The following CCSER1 variants were observed in gnomAD, a reference collection of about 807,000 sequenced individuals.
The protein encoded by CCSER1 is coiled-coil serine rich protein 1, also known as serine-rich coiled-coil domain-containing protein 1.
Under a neutral mutation model 82.0 loss-of-function variants are expected in CCSER1, and 41 were observed. That is an observed-to-expected ratio of 0.50 (90% confidence interval 0.39 to 0.65). CCSER1 has a LOEUF of 0.65. Among genes scored for constraint, CCSER1 ranks in the 30% least tolerant of loss-of-function variants. The pLI, the probability that CCSER1 is intolerant of heterozygous loss-of-function variation, is 0.00. For synonymous variants in CCSER1, 414 were observed against 383.9 expected, an observed-to-expected ratio of 1.08 and a Z score of -0.92; for missense variants, 1,119 against 1,064.2, an observed-to-expected ratio of 1.05 and a Z score of -0.72.
At chr4:90,877,928 T>C (rs944873090) in intron 8 of CCSER1, among the ~76,000 whole-genome samples, 1 of 152,104 alleles carries the variant, frequency 6.6e-6, no homozygotes, top group African/African-American at 2.4e-5. Context: ...TCAGTTACTA[T>C]CCAAATTATA....
intron 5 of CCSER1, among the ~76,000 whole-genome samples, chr4:90,507,587 T>G (rs1770891897): frequency 1.3e-5 from 2 of 152,064 alleles, no homozygotes; most frequent in Non-Finnish European, 2.9e-5. Flanking sequence ...TTCATACATT[T>G]TATAGTCTAT....
chr4:91,598,497 A>C (rs916444983), intron 10 of CCSER1, 75 bp from the exon 11 acceptor site: 2 of 1,391,140 alleles, frequency 1.4e-6, no homozygotes, highest in East Asian at 2.5e-5. Context: ...AAATGTATAA[A>C]TATCACTCTG....
chr4:91,588,364 T>TA (rs1191539463), intron 10 of CCSER1, among the ~76,000 whole-genome samples: 1 of 151,662 alleles, frequency 6.6e-6, no homozygotes, highest in African/African-American at 2.4e-5. Flanking sequence ...TTGCTATTAT[T>TA]AAATAAGCCT....
chr4:91,209,100 C>T (rs867374116), intron 10 of CCSER1, among the ~76,000 whole-genome samples: 3 of 151,700 alleles, frequency 2.0e-5, no homozygotes, highest in Non-Finnish European at 3.0e-5. Flanking sequence ...TATCAGCTCA[C>T]GGATCTTTTT....
chr4:90,208,999 G>A (rs569809823), intron 1 of CCSER1, among the ~76,000 whole-genome samples: 1 of 152,036 alleles, frequency 6.6e-6, no homozygotes, highest in South Asian at 2.1e-4. Flanking sequence ...TTTTTCTTAT[G>A]TATTGTTTTT....
intron 4 of CCSER1, among the ~76,000 whole-genome samples, chr4:90,408,469 G>T (rs147996905): frequency 0.023 from 3,537 of 152,278 alleles, 145 homozygotes; most frequent in African/African-American, 0.081. Flanking sequence ...AGCATTTGCG[G>T]TTCACCAATA....
intron 9 of CCSER1, among the ~76,000 whole-genome samples, chr4:91,026,454 T>G (rs1014464581): frequency 2.0e-5 from 3 of 152,112 alleles, no homozygotes; most frequent in African/African-American, 7.2e-5. Context: ...TTTCTAAGTG[T>G]CAGTGAATTT....
intron 7 of CCSER1, among the ~76,000 whole-genome samples, chr4:90,763,440 T>C (rs1034971502): frequency 1.8e-4 from 27 of 152,186 alleles, no homozygotes; most frequent in African/African-American, 6.3e-4. Flanking sequence ...GTTCTTTCAA[T>C]TGAATTTTAA....
At chr4:91,289,946 AC>A (rs1240325212) in intron 10 of CCSER1, among the ~76,000 whole-genome samples, 5 of 152,060 alleles carry the variant, frequency 3.3e-5, no homozygotes, top group African/African-American at 1.2e-4. Flanking sequence ...AGAAAATCAG[AC>A]AAGAAAAAGT....
intron 3 of CCSER1, among the ~76,000 whole-genome samples, chr4:90,337,976 G>A (rs1461741): frequency 0.68 from 102,705 of 152,036 alleles, 36,655 homozygotes; most frequent in African/African-American, 0.91. Flanking sequence ...TATGTTGTTC[G>A]AAAAGGGTAG....
chr4:91,556,040 AAAACTT>A (rs1762381191), intron 10 of CCSER1, among the ~76,000 whole-genome samples: 2 of 151,370 alleles, frequency 1.3e-5, no homozygotes, highest in Admixed American at 1.3e-4. Context: ...TGGTAAAAGA[AAAACTT>A]AAATGAGTTA....
At chr4:90,556,885 T>C (rs1418121608) in intron 5 of CCSER1, among the ~76,000 whole-genome samples, 1 of 151,708 alleles carries the variant, frequency 6.6e-6, no homozygotes, top group Non-Finnish European at 1.5e-5. Context: ...CATATAAATG[T>C]ATATACATTT....
chr4:90,801,256 A>G (rs557004494), intron 7 of CCSER1, among the ~76,000 whole-genome samples: 111 of 152,274 alleles, frequency 7.3e-4, no homozygotes, highest in African/African-American at 2.4e-3. Flanking sequence ...CTTTTATTTC[A>G]TCTTTGCTAC....
intron 1 of CCSER1, among the ~76,000 whole-genome samples, chr4:90,159,808 C>T (rs756827874): frequency 2.0e-5 from 3 of 152,100 alleles, no homozygotes; most frequent in Non-Finnish European, 4.4e-5. Flanking sequence ...ACATATTTTG[C>T]CATAATAGTA....
At chr4:91,265,909 G>A (rs979827763) in intron 10 of CCSER1, among the ~76,000 whole-genome samples, 6 of 152,136 alleles carry the variant, frequency 3.9e-5, no homozygotes, top group South Asian at 2.1e-4. Flanking sequence ...ACAGTTTCAC[G>A]TGGCTGGGGA....
chr4:91,149,137 G>T (rs1244204738), intron 10 of CCSER1, among the ~76,000 whole-genome samples: 1 of 152,108 alleles, frequency 6.6e-6, no homozygotes, highest in Non-Finnish European at 1.5e-5. Context: ...ATCCTCTCCA[G>T]CACCTGTTGT....
At chr4:90,176,529 C>G (rs1732703075) in intron 1 of CCSER1, among the ~76,000 whole-genome samples, 1 of 151,976 alleles carries the variant, frequency 6.6e-6, no homozygotes, top group South Asian at 2.1e-4. Flanking sequence ...AGAAAAGAAT[C>G]CCCTGTTGAG....
At chr4:90,924,740 T>A (rs902508542) in intron 9 of CCSER1, among the ~76,000 whole-genome samples, 1 of 152,194 alleles carries the variant, frequency 6.6e-6, no homozygotes, top group African/African-American at 2.4e-5. Context: ...GTTTGTTTGT[T>A]ATTTGAGATG....
intron 7 of CCSER1, among the ~76,000 whole-genome samples, chr4:90,740,789 C>G (rs1179188391): frequency 6.6e-6 from 1 of 152,060 alleles, no homozygotes; most frequent in African/African-American, 2.4e-5. Context: ...TTAAGTAGTA[C>G]TGATAGAAAA....
Sources: allele counts gnomAD v4.1 joint callset (sites outside exome capture counted in the v4.1 genomes callset), GRCh38; gene constraint gnomAD v4.1.1; transcripts MANE v1.5; gene names NCBI Gene and HGNC (gene_info 2026-07-23, HGNC 2026-07-21).